A2ML1: variants seen among roughly 807,000 people sequenced by gnomAD.
The protein encoded by A2ML1 is alpha-2-macroglobulin-like protein 1.
A2ML1 carries 161 observed loss-of-function variants against 181.9 expected under a neutral mutation model. That is an observed-to-expected ratio of 0.89 (90% CI 0.78 to 1.01). The LOEUF is 1.01. Ranked by LOEUF, A2ML1 falls within the 50% of genes least tolerant of loss-of-function variation. The pLI is 0.00. For missense variants in A2ML1, 1,670 were observed against 1,768.1 expected, an observed-to-expected ratio of 0.94 and a Z score of 1.00; for synonymous variants, 663 against 666.8, an observed-to-expected ratio of 0.99 and a Z score of 0.09.
At chr12:8,843,022 T>C (rs1246534889) in intron 11 of A2ML1, 112 bp from the exon 12 acceptor site, 1 of 924,666 alleles carries the variant, frequency 1.1e-6, no homozygotes, top group Non-Finnish European at 1.7e-6. Context: ...CATGCCATTC[T>C]CAGGCAGTGA....
At chr12:8,831,948 T>G (rs1222663505) in intron 4 of A2ML1, among the ~76,000 whole-genome samples, 1 of 152,108 alleles carries the variant, frequency 6.6e-6, no homozygotes, top group African/African-American at 2.4e-5. Context: ...CGGGGTTTCT[T>G]CATGTTGGTC....
chr12:8,843,200 T>C lies in A2ML1; in HGVS notation c.1315T>C (p.Tyr439His). Reference sequence around the variant, plus strand: ...AGTGCCACGTTACTACCAAAATGCCTACCTGCACCTGCGACCCTTCTACAG... The same window carrying C: ...AGTGCCACGTTACTACCAAAATGCCCACCTGCACCTGCGACCCTTCTACAG... ...EQVPRYYQNA[Y>H]LHLRPFYSTT... The change falls in exon 12 of 36, where the codon TAC (tyrosine) becomes CAC (histidine). Residue 439 changes from tyrosine to histidine, a missense_variant. Transcript: ENST00000299698. 6.2e-7 allele frequency: 1 copy of C among 1,614,214 alleles called. No individual in the cohort carries two copies. Among genetic ancestry groups the C allele is most frequent in the East Asian group, 2.2e-5 (1 of 44,886 alleles).
Position 8,849,652 on chromosome 12 carries a change from T to A in A2ML1, c.2029-17T>A. On this transcript the variant is annotated splice_polypyrimidine_tract_variant and intron_variant, in intron 16 of 35. Transcript: ENST00000299698. ...GGAAGGGACCACCTTAATACTTATTTCTCTGATGCCTATCAGGACGTGGGC... is the reference window on the plus strand; with the variant it reads ...GGAAGGGACCACCTTAATACTTATTACTCTGATGCCTATCAGGACGTGGGC... 1 of 1,610,846 alleles carries A rather than the reference T, an allele frequency of 6.2e-7. No homozygotes were observed. Among genetic ancestry groups the A allele is most frequent in the Non-Finnish European group, 8.5e-7 (1 of 1,177,078 alleles).
chr12:8,870,504 T>A (rs766617405), intron 33 of A2ML1, among the ~76,000 whole-genome samples: 1 of 152,300 alleles, frequency 6.6e-6, no homozygotes, highest in Admixed American at 6.5e-5. Flanking sequence ...CCTGACCTCG[T>A]GATCCACCCA....
chr12:8,865,669 C>A (rs1337525640), intron 29 of A2ML1, among the ~76,000 whole-genome samples: 1 of 152,122 alleles, frequency 6.6e-6, no homozygotes. Flanking sequence ...AGACTGTTTC[C>A]TTTATCTAGG....
intron 26 of A2ML1, among the ~76,000 whole-genome samples, chr12:8,859,757 G>A (rs966279782): frequency 6.6e-6 from 1 of 152,018 alleles, no homozygotes; most frequent in African/African-American, 2.4e-5. Flanking sequence ...TAGAGATGGG[G>A]TTTCACCATG....
downstream of A2ML1, among the ~76,000 whole-genome samples, chr12:8,878,920 A>G (rs1221366809): frequency 8.5e-5 from 13 of 152,088 alleles, no homozygotes; most frequent in Admixed American, 8.5e-4. This position sits in a 1 kb window ranked among gnomAD's most constrained non-coding sequence, Gnocchi z 4.4. Context: ...CCTAGTTTGC[A>G]CCACTGCACT....
At chr12:8,878,282 G>A (rs775751371), downstream of A2ML1, among the ~76,000 whole-genome samples, 3 of 152,266 alleles carry the variant, frequency 2.0e-5, no homozygotes, top group South Asian at 2.1e-4. This position sits in a 1 kb window ranked among gnomAD's most constrained non-coding sequence, Gnocchi z 4.4. Flanking sequence ...CAGCCTGGGC[G>A]ACAAGAGCAA....
At position 8,857,963 on chromosome 12, in the gene A2ML1, C is replaced by T; in HGVS notation, c.3125C>T (p.Thr1042Ile). ...NGNTWLTAFVTKCFGQAQKFI... is the reference protein window; with the variant it reads ...NGNTWLTAFVIKCFGQAQKFI... ...CCATGTAGGCTGACAGCGTTTGTCA[C>T]AAAATGCTTTGGCCAAGCTCAGAAA... Residue 1042 changes from threonine (T) to isoleucine (I), a missense_variant, in exon 26 of 36, where the codon ACA becomes ATA. Coordinates refer to ENST00000299698, the MANE Select transcript of A2ML1 (RefSeq NM_144670.6). 6.2e-7 allele frequency: 1 copy of T among 1,614,134 alleles called. No homozygotes were observed. The highest frequency in any genetic ancestry group is 8.5e-7 in the Non-Finnish European group (1 of 1,180,010).
At chr12:8,882,400 CT>C (rs948976902) in intron 7 of A2ML1, among the ~76,000 whole-genome samples, 2 of 152,048 alleles carry the variant, frequency 1.3e-5, no homozygotes, top group South Asian at 2.1e-4. Context: ...AAGAATCCTA[CT>C]TTTTTTTCTT....
chr12:8,851,799 G>A lies in A2ML1; in HGVS notation c.2250G>A (p.Glu750=), dbSNP rs1457182197. 6.2e-7 allele frequency: 1 copy of A among 1,614,110 alleles called. No individual in the cohort carries two copies. The highest frequency in any genetic ancestry group is 8.5e-7 in the Non-Finnish European group (1 of 1,180,036). ...DLFPIGNSGK[E]AVHVTVPDAI... The stretch of plus-strand genomic sequence containing the variant: ...GTTTTCACAGTAACTCGGGGAAGGA[G>A]GCGGTCCACGTCACAGTTCCTGACG... Residue 750 remains glutamate, a synonymous_variant, in exon 19 of 36, where the codon GAG becomes GAA. Coordinates refer to ENST00000299698, the MANE Select transcript of A2ML1 (RefSeq NM_144670.6).
intron 20 of A2ML1, among the ~76,000 whole-genome samples, chr12:8,853,317 T>C (rs921741393): frequency 2.0e-5 from 3 of 152,236 alleles, no homozygotes; most frequent in Admixed American, 6.5e-5. Flanking sequence ...CCCCCAACCC[T>C]ATGGGATGTC....
chr12:8,879,415 C>T (rs1944847880), downstream of A2ML1, among the ~76,000 whole-genome samples: 6 of 151,802 alleles, frequency 4.0e-5, no homozygotes, highest in East Asian at 1.9e-4. Context: ...TGCTTGAACC[C>T]GGGAGGCGGA....
chr12:8,854,336 C>G, intron 21 of A2ML1, 87 bp downstream of exon 21: 1 of 1,489,748 alleles, frequency 6.7e-7, no homozygotes. Context: ...TCACAGCAAC[C>G]ATACTCCAGT....
At chr12:8,883,726 C>G (rs1944891887) in intron 7 of A2ML1, among the ~76,000 whole-genome samples, 1 of 152,008 alleles carries the variant, frequency 6.6e-6, no homozygotes, top group South Asian at 2.1e-4. Flanking sequence ...GATCTGCCCA[C>G]CTCGGCCTCC....
chr12:8,844,966 G>C (rs776925277), intron 12 of A2ML1: 6 of 1,347,402 alleles, frequency 4.5e-6, no homozygotes, highest in African/African-American at 3.0e-5. Context: ...GGACGGGAAG[G>C]GGGAGTTAGA....
intron 2 of A2ML1, 123 bp downstream of exon 2, chr12:8,823,488 T>A: frequency 8.1e-7 from 1 of 1,237,118 alleles, no homozygotes; most frequent in Non-Finnish European, 1.1e-6. Flanking sequence ...ACCTATTTTT[T>A]CTCAACTTAA....
Position 8,841,550 on chromosome 12 carries a change from G to C in A2ML1, c.1248+14G>C, listed in dbSNP as rs1394164521. On this transcript the variant is annotated intron_variant, in intron 11 of 35. Transcript: ENST00000299698. ...GTTTCTCTGGAGGTAAGCATGGACG[G>C]AGGACCAGCTTCCTAGAAAGGAAGG... The C allele has an allele frequency of 6.3e-7, 1 of 1,596,982 alleles. No homozygotes were observed. The highest frequency in any genetic ancestry group is 8.5e-7 in the Non-Finnish European group (1 of 1,171,518).
intron 26 of A2ML1, among the ~76,000 whole-genome samples, chr12:8,860,130 TC>T (rs747903827): frequency 3.3e-5 from 5 of 152,058 alleles, no homozygotes; most frequent in East Asian, 1.9e-4. Context: ...AGCCTTGACC[TC>T]CCCGGGCTCA....
Sources: gnomAD v4.1 joint callset for allele counts (sites outside exome capture counted in the v4.1 genomes callset) on GRCh38, gnomAD v4.1.1 for gene constraint, Gnocchi (gnomAD v3.1) non-coding constraint, MANE v1.5 for transcripts, NCBI Gene and HGNC (gene_info 2026-07-23, HGNC 2026-07-21) for gene names.